ARID1B: variants seen among roughly 807,000 people sequenced by gnomAD.
ARID1B encodes AT-rich interaction domain 1B.
Under a neutral mutation model 212.3 loss-of-function variants are expected in ARID1B, and 30 were observed. The ratio of observed to expected loss-of-function variants is 0.14; its 90% CI spans 0.11 to 0.19. ARID1B has a LOEUF of 0.19. Among genes scored for constraint, ARID1B ranks in the 10% least tolerant of loss-of-function variants. The pLI is 1.00. For missense variants in ARID1B, 2,891 were observed against 3,204.0 expected, an observed-to-expected ratio of 0.90 and a Z score of 2.36; for synonymous variants, 1,402 against 1,301.7, an observed-to-expected ratio of 1.08 and a Z score of -1.66.
At chr6:156,911,605 T>C (rs905202186) in intron 3 of ARID1B, among the ~76,000 whole-genome samples, 1 of 152,220 alleles carries the variant, frequency 6.6e-6, no homozygotes, top group Non-Finnish European at 1.5e-5. Flanking sequence ...GAGTTCCCTA[T>C]GTATAAAATT....
intron 3 of ARID1B, among the ~76,000 whole-genome samples, chr6:156,917,387 C>G (rs1790443097): frequency 6.6e-6 from 1 of 152,156 alleles, no homozygotes. Flanking sequence ...AGTGTTGAGT[C>G]AGACGTTGTT....
At chr6:156,812,023 C>T (rs115037954) in intron 1 of ARID1B, among the ~76,000 whole-genome samples, 1,921 of 152,298 alleles carry the variant, frequency 0.013, 38 homozygotes, top group African/African-American at 0.043. Flanking sequence ...GATTTTTGTT[C>T]GCATTGGTTG....
chr6:156,996,301 C>T (rs2128417145), intron 4 of ARID1B, among the ~76,000 whole-genome samples: 1 of 152,280 alleles, frequency 6.6e-6, no homozygotes, highest in East Asian at 1.9e-4. Flanking sequence ...GCAGCGAGGT[C>T]ATGTCTTGAT....
intron 2 of ARID1B, among the ~76,000 whole-genome samples, chr6:156,898,883 A>G (rs954435870): frequency 6.6e-6 from 1 of 152,170 alleles, no homozygotes; most frequent in Non-Finnish European, 1.5e-5. Context: ...AGGCAGGAGA[A>G]TCGTTTGAAC....
At chr6:156,944,189 AAGTC>A (rs779752821) in intron 4 of ARID1B, among the ~76,000 whole-genome samples, 1 of 152,196 alleles carries the variant, frequency 6.6e-6, no homozygotes, top group Non-Finnish European at 1.5e-5. Context: ...ATTTGGGAAA[AAGTC>A]AGTGGAGTGA....
chr6:157,171,205 A>T (rs749921250), intron 9 of ARID1B, among the ~76,000 whole-genome samples: 4 of 152,244 alleles, frequency 2.6e-5, no homozygotes, highest in Non-Finnish European at 5.9e-5. Flanking sequence ...ACTTTAAGAA[A>T]TCGTTCTAGT....
chr6:157,114,144 C>T (rs532445043), intron 6 of ARID1B, among the ~76,000 whole-genome samples: 9 of 152,278 alleles, frequency 5.9e-5, no homozygotes, highest in Admixed American at 3.9e-4. Context: ...TATACTCTTA[C>T]GGTTGATATA....
At chr6:156,908,897 C>T (rs1406073900) in intron 3 of ARID1B, among the ~76,000 whole-genome samples, 1 of 152,036 alleles carries the variant, frequency 6.6e-6, no homozygotes, top group East Asian at 1.9e-4. Flanking sequence ...AGTTTTATTA[C>T]AAGAAGAATA....
rs147294832 is a variant in ARID1B, at chr6:156,980,616, G to A, written c.2247+45040G>A. Among the ~76,000 whole-genome samples the A allele has an allele frequency of 8.4e-3, 1,285 of 152,328 alleles. 10 individuals are homozygous for A. The highest frequency in any genetic ancestry group is 0.012 in the Non-Finnish European group (845 of 68,026). Reference sequence around the variant, plus strand: ...CCCGTAGGAGGAGTCCGGTTTAGTGGCAGGGCTACTCGTAGACAGTGCCGT... The same window carrying A: ...CCCGTAGGAGGAGTCCGGTTTAGTGACAGGGCTACTCGTAGACAGTGCCGT... On this transcript the variant is annotated intron_variant, in intron 4 of 19. Coordinates refer to ENST00000636930, the MANE Select transcript of ARID1B (RefSeq NM_001374828.1).
intron 2 of ARID1B, among the ~76,000 whole-genome samples, chr6:156,868,201 A>T (rs922303149): frequency 1.3e-5 from 2 of 152,216 alleles, no homozygotes; most frequent in Non-Finnish European, 2.9e-5. Flanking sequence ...GTAAAGTGTG[A>T]ATTATAAAAG....
intron 1 of ARID1B, among the ~76,000 whole-genome samples, chr6:156,816,734 G>T (rs1035240415): frequency 5.3e-5 from 8 of 152,312 alleles, no homozygotes; most frequent in Middle Eastern, 3.4e-3. Flanking sequence ...TCAGGCATCG[G>T]CTTGGTGGTG....
At chr6:156,881,129 GTCT>G (rs1002838745) in intron 2 of ARID1B, among the ~76,000 whole-genome samples, 1 of 152,168 alleles carries the variant, frequency 6.6e-6, no homozygotes, top group Non-Finnish European at 1.5e-5. Context: ...CTCAAGTTAG[GTCT>G]TCTCCTTCTC....
rs1789996516 is a variant in ARID1B, at chr6:157,148,900, A to G, written c.3038A>G (p.Gln1013Arg). Residue 1013 changes from glutamine to arginine, a missense_variant, in exon 8 of 20, where the codon CAG becomes CGG. By Grantham distance (43) the Gln-to-Arg change is conservative. Around this residue, in one of 7 missense-constraint regions of ARID1B, gnomAD observed 1,643 missense variants for 1,544.0 expected, o/e 1.06. Coordinates refer to ENST00000636930, the MANE Select transcript of ARID1B (RefSeq NM_001374828.1). This position sits in a 1 kb window ranked among gnomAD's most constrained non-coding sequence, Gnocchi z 5.6. ...PPMPTVNRKA[Q>R]EAAAAVMQAA... ...ATGCCAACTGTGAACCGTAAGGCAC[A>G]GGAGGCAGCCGCAGCAGTGATGCAG... 1.2e-6 allele frequency: 2 copies of G among 1,612,674 alleles called. No individual in the cohort carries two copies. Among genetic ancestry groups the G allele is most frequent in the East Asian group, 2.2e-5 (1 of 44,894 alleles).
intron 2 of ARID1B, among the ~76,000 whole-genome samples, chr6:156,897,249 CTTCTTCTTCTTCTTCTTATTA>C (rs1459231561): frequency 3.0e-5 from 3 of 100,824 alleles, no homozygotes; most frequent in African/African-American, 7.1e-5. Context: ...TCTTCTTCTT[CTTCTTCTTCTTCTTCTTATTA>C]TTATTATTAT....
At chr6:157,036,252 T>A (rs1781320768) in intron 4 of ARID1B, 2 of 152,408 alleles carry the variant, frequency 1.3e-5, no homozygotes, top group African/African-American at 2.4e-5. Flanking sequence ...GAGCTCTGTC[T>A]TCTATGCATG....
At chr6:156,862,570 C>T (rs1427412279) in intron 2 of ARID1B, among the ~76,000 whole-genome samples, 3 of 152,220 alleles carry the variant, frequency 2.0e-5, no homozygotes, top group South Asian at 2.1e-4. Flanking sequence ...TGGCCAGCAC[C>T]GCCATGCACT....
chr6:156,913,797 T>C (rs988558364), intron 3 of ARID1B, among the ~76,000 whole-genome samples: 1,884 of 38,562 alleles, frequency 0.049, no homozygotes, highest in East Asian at 0.065. Context: ...CAACAACCAG[T>C]CCATCCCAGC....
intron 2 of ARID1B, among the ~76,000 whole-genome samples, chr6:156,874,736 C>G (rs569223626): frequency 6.6e-6 from 1 of 152,214 alleles, no homozygotes; most frequent in Non-Finnish European, 1.5e-5. Context: ...AAGTCCTGAT[C>G]TCTTTCCCTG....
At chr6:157,046,008 T>C (rs1424394493) in intron 4 of ARID1B, among the ~76,000 whole-genome samples, 1 of 152,208 alleles carries the variant, frequency 6.6e-6, no homozygotes, top group Non-Finnish European at 1.5e-5. Context: ...TCTCTTCTTT[T>C]GTTAGAAAAT....
Sources: allele counts gnomAD v4.1 joint callset (sites outside exome capture counted in the v4.1 genomes callset), GRCh38; gene constraint gnomAD v4.1.1; regional missense constraint gnomAD v4.1.1; non-coding constraint Gnocchi (gnomAD v3.1); transcripts MANE v1.5; gene names NCBI Gene and HGNC (gene_info 2026-07-23, HGNC 2026-07-21).